The following SCLT1 variants were observed in gnomAD, a reference collection of about 807,000 sequenced individuals.
The protein encoded by SCLT1 is sodium channel-associated protein 1.
In SCLT1, 78 loss-of-function variants were observed where a neutral mutation model predicts 112.8. That is an observed-to-expected ratio of 0.69 (90% CI 0.58 to 0.83). The LOEUF (loss-of-function observed/expected upper bound fraction) is 0.83. SCLT1 is among the 40% of genes least tolerant of loss of function. The pLI, the probability that SCLT1 is intolerant of heterozygous loss-of-function variation, is 0.00. For synonymous variants in SCLT1, 257 were observed against 254.7 expected (o/e 1.01, Z -0.09); for missense variants, 747 against 770.4 (o/e 0.97, Z 0.36).
At chr4:128,899,061 C>A (rs1039451405) in intron 18 of SCLT1, among the ~76,000 whole-genome samples, 4 of 152,066 alleles carry the variant, frequency 2.6e-5, no homozygotes, top group South Asian at 4.1e-4. Context: ...AAGTCCAGGA[C>A]CAGATGGATT....
Position 129,093,056 on chromosome 4 carries a change from A to C in SCLT1, c.34+14T>G, listed in dbSNP as rs758116216. 1 of 1,599,820 alleles carries C rather than the reference A, an allele frequency of 6.3e-7. No individual in the cohort carries two copies. The highest frequency in any genetic ancestry group is 8.6e-7 in the Non-Finnish European group (1 of 1,166,930). ...AACATTGTATATGAAGTCTCAAAAA[A>C]ACATGGAGCTTACTTTGCTCTCTCA... On this transcript the variant is annotated intron_variant, in intron 1 of 20. Transcript: ENST00000281142.
intron 5 of SCLT1, among the ~76,000 whole-genome samples, chr4:129,011,390 T>A (rs2126104338): frequency 6.6e-6 from 1 of 152,272 alleles, no homozygotes; most frequent in East Asian, 1.9e-4. Context: ...TTTTTTGTTG[T>A]ATCTTTGTTA....
At chr4:129,072,220 T>C (rs1751076332) in intron 2 of SCLT1, among the ~76,000 whole-genome samples, 1 of 152,210 alleles carries the variant, frequency 6.6e-6, no homozygotes, top group Non-Finnish European at 1.5e-5. Context: ...CTGGTGATTT[T>C]GTCTCACAGG....
chr4:128,875,782 G>C (rs982865458), intron 4 of SCLT1, among the ~76,000 whole-genome samples: 24 of 152,046 alleles, frequency 1.6e-4, no homozygotes, highest in African/African-American at 5.8e-4. Context: ...GCTTTCTGAG[G>C]TGAAAAAATA....
chr4:128,921,085 TAG>T lies in SCLT1; in HGVS notation c.1829+15568_1829+15569del, dbSNP rs1735845258. 2.6e-5 allele frequency among the ~76,000 whole-genome samples: 4 copies of T among 151,796 alleles called. 1 individual carries two copies. The highest frequency in any genetic ancestry group is 2.6e-4 in the Admixed American group (4 of 15,230). On this transcript the variant is annotated intron_variant, in intron 18 of 20. Transcript: ENST00000281142. ...CCACAAAAAGAATAAAATACAAATA[TAG>T]CTAACCAGGGAGGGGAAAGATCTCT...
At chr4:128,991,839 A>G (rs1444500670) in intron 9 of SCLT1, among the ~76,000 whole-genome samples, 1 of 151,862 alleles carries the variant, frequency 6.6e-6, no homozygotes, top group Non-Finnish European at 1.5e-5. Context: ...ATCTATTTGC[A>G]TTTACATTAT....
At chr4:128,962,347 T>C (rs1739812684) in intron 11 of SCLT1, among the ~76,000 whole-genome samples, 1 of 152,336 alleles carries the variant, frequency 6.6e-6, no homozygotes, top group South Asian at 2.1e-4. Context: ...GTCTGCACAA[T>C]CATTATTAAT....
chr4:129,050,040 T>C (rs1257833424), intron 2 of SCLT1, among the ~76,000 whole-genome samples: 1 of 152,170 alleles, frequency 6.6e-6, no homozygotes, highest in African/African-American at 2.4e-5. Flanking sequence ...CTTTCCAACT[T>C]CATCCATGTC....
intron 5 of SCLT1, among the ~76,000 whole-genome samples, chr4:129,038,687 AAT>A (rs1278554386): frequency 7.2e-5 from 11 of 152,308 alleles, no homozygotes; most frequent in African/African-American, 2.6e-4. Flanking sequence ...TCATTTTATC[AAT>A]ATGTTTTCTA....
intron 2 of SCLT1, among the ~76,000 whole-genome samples, chr4:129,051,219 G>A (rs1561018698): frequency 6.6e-6 from 1 of 151,498 alleles, no homozygotes; most frequent in Admixed American, 6.6e-5. Flanking sequence ...CTCTTTTTTG[G>A]TTCCACATGA....
intron 4 of SCLT1, among the ~76,000 whole-genome samples, chr4:129,042,849 C>A (rs1001001170): frequency 6.6e-6 from 1 of 151,810 alleles, no homozygotes; most frequent in African/African-American, 2.4e-5. Flanking sequence ...CCGAGGCAGG[C>A]GGATCACGAG....
At chr4:128,949,846 CTTT>C (rs71589013) in intron 14 of SCLT1, among the ~76,000 whole-genome samples, 1 of 144,718 alleles carries the variant, frequency 6.9e-6, no homozygotes. Context: ...TTTTTTTCCT[CTTT>C]TTTTTTTTTC....
intron 9 of SCLT1, among the ~76,000 whole-genome samples, chr4:128,978,612 A>G (rs1321025355): frequency 1.3e-5 from 2 of 152,092 alleles, no homozygotes; most frequent in Non-Finnish European, 2.9e-5. Context: ...GGTACCAGTA[A>G]TTCTTGAGGA....
chr4:128,888,654 C>T, intron 20 of SCLT1, 25 bp downstream of exon 20: 1 of 1,369,160 alleles, frequency 7.3e-7, no homozygotes, highest in Non-Finnish European at 1.0e-6. Flanking sequence ...TGTTTATTAT[C>T]TAGGGATAAG....
At chr4:129,060,535 T>G (rs1749868760) in intron 2 of SCLT1, among the ~76,000 whole-genome samples, 1 of 152,174 alleles carries the variant, frequency 6.6e-6, no homozygotes. Flanking sequence ...AAGGGCGTGG[T>G]AATTTTGTTT....
intron 5 of SCLT1, among the ~76,000 whole-genome samples, chr4:129,005,566 T>A (rs1743925143): frequency 6.6e-6 from 1 of 152,202 alleles, no homozygotes; most frequent in Non-Finnish European, 1.5e-5. Context: ...ACACTGTTGG[T>A]GGGACTGTAA....
intron 2 of SCLT1, among the ~76,000 whole-genome samples, chr4:129,053,689 G>T (rs1749074033): frequency 1.3e-5 from 2 of 149,164 alleles, no homozygotes; most frequent in African/African-American, 4.9e-5. Context: ...CGGACTGATG[G>T]GTCTTGACTC....
intron 9 of SCLT1, among the ~76,000 whole-genome samples, chr4:128,982,975 A>G (rs2597836): frequency 0.72 from 109,783 of 151,874 alleles, 41,682 homozygotes; most frequent in South Asian, 0.9. Flanking sequence ...CGCAACCTCC[A>G]CCTCCCAGGT....
chr4:128,916,559 T>A (rs536004095), intron 18 of SCLT1, among the ~76,000 whole-genome samples: 2 of 152,298 alleles, frequency 1.3e-5, no homozygotes, highest in East Asian at 3.9e-4. Flanking sequence ...AGACTTGAAG[T>A]CTTTACAGGA....
Sources: allele counts gnomAD v4.1 joint callset (sites outside exome capture counted in the v4.1 genomes callset), GRCh38; gene constraint gnomAD v4.1.1; transcripts MANE v1.5; gene names NCBI Gene and HGNC (gene_info 2026-07-23, HGNC 2026-07-21).